PTPRT: variants seen among roughly 807,000 people sequenced by gnomAD.
The protein encoded by PTPRT is receptor-type tyrosine-protein phosphatase T.
A neutral mutation model predicts 176.8 loss-of-function variants in PTPRT; 56 were observed. That is an observed-to-expected ratio of 0.32 (90% CI 0.26 to 0.40). The LOEUF (loss-of-function observed/expected upper bound fraction) is 0.40, where lower values mean the gene tolerates loss of function less well. PTPRT is among the 10% of genes least tolerant of loss of function. PTPRT has a pLI of 1.00. For synonymous variants in PTPRT, 783 were observed against 739.0 expected, an observed-to-expected ratio of 1.06 and a Z score of -0.96; for missense variants, 1,540 against 1,908.2, an observed-to-expected ratio of 0.81 and a Z score of 3.60.
intron 7 of PTPRT, among the ~76,000 whole-genome samples, chr20:42,529,859 A>AG (rs2072349871): frequency 6.6e-6 from 1 of 151,790 alleles, no homozygotes; most frequent in African/African-American, 2.4e-5. Flanking sequence ...AAAAAAAAAA[A>AG]AAAAAAGAAA....
intron 11 of PTPRT, among the ~76,000 whole-genome samples, chr20:42,344,541 G>C (rs186617749): frequency 6.6e-6 from 1 of 152,324 alleles, no homozygotes; most frequent in Admixed American, 6.5e-5. Context: ...CTGACAGAGG[G>C]ATGACCATGA....
At chr20:42,178,187 C>T (rs972641524) in intron 16 of PTPRT, among the ~76,000 whole-genome samples, 4 of 152,152 alleles carry the variant, frequency 2.6e-5, no homozygotes, top group Non-Finnish European at 5.9e-5. Context: ...CCACCCACCT[C>T]GGCCTCCCAA....
At chr20:42,190,236 G>C (rs1260214476) in intron 16 of PTPRT, among the ~76,000 whole-genome samples, 2 of 152,130 alleles carry the variant, frequency 1.3e-5, no homozygotes, top group African/African-American at 2.4e-5. Context: ...ACAATGCTCT[G>C]TTGAGCTCTC....
intron 11 of PTPRT, among the ~76,000 whole-genome samples, chr20:42,347,729 C>T (rs891919847): frequency 2.6e-5 from 4 of 152,192 alleles, no homozygotes; most frequent in Admixed American, 2.6e-4. Flanking sequence ...TACCTTCTGC[C>T]TATAAAACCT....
At chr20:42,500,922 C>T (rs2071740550) in intron 7 of PTPRT, among the ~76,000 whole-genome samples, 1 of 152,012 alleles carries the variant, frequency 6.6e-6, no homozygotes, top group African/African-American at 2.4e-5. Flanking sequence ...TCTCAATGAA[C>T]CCAAAATTGC....
chr20:42,388,443 AC>A (rs1332476102), intron 9 of PTPRT, among the ~76,000 whole-genome samples: 1 of 152,082 alleles, frequency 6.6e-6, no homozygotes, highest in African/African-American at 2.4e-5. Context: ...AAAACAAACA[AC>A]CCCATCAAAA....
intron 7 of PTPRT, among the ~76,000 whole-genome samples, chr20:42,532,729 TC>T (rs1568955799): frequency 6.6e-6 from 1 of 151,538 alleles, no homozygotes; most frequent in African/African-American, 2.4e-5. Flanking sequence ...CACAACCATA[TC>T]CTTAGACCTG....
chr20:42,319,505 C>CA (rs1380434001), intron 11 of PTPRT, among the ~76,000 whole-genome samples: 1 of 152,150 alleles, frequency 6.6e-6, no homozygotes, highest in African/African-American at 2.4e-5. Flanking sequence ...CCTTCAGGCC[C>CA]ATGCATTCAC....
chr20:42,506,708 T>G (rs2071850961), intron 7 of PTPRT, among the ~76,000 whole-genome samples: 1 of 152,184 alleles, frequency 6.6e-6, no homozygotes, highest in Non-Finnish European at 1.5e-5. Context: ...GATGGTATTA[T>G]TCCCATTATT....
chr20:42,642,389 C>T (rs1237948964), intron 7 of PTPRT, among the ~76,000 whole-genome samples: 1 of 152,132 alleles, frequency 6.6e-6, no homozygotes, highest in Non-Finnish European at 1.5e-5. Context: ...TTATGGACCT[C>T]CCTGAGTCTC....
Position 42,074,371 on chromosome 20 carries a change from C to A in PTPRT, c.*6508G>T, listed in dbSNP as rs983554419. 4.2e-6 allele frequency: 1 copy of A among 238,878 alleles called. No homozygotes were observed. Among genetic ancestry groups the A allele is most frequent in the African/African-American group, 2.2e-5 (1 of 45,556 alleles). The allele number at this position is 238,878 out of a possible 1,614,324, so 14.8% of individuals were successfully genotyped here. ...ACTTCCTATGACCCTTTCTCCTCCACATCCAAGAGTCCTGCTCACTAAGGA... is the reference window on the plus strand; with the variant it reads ...ACTTCCTATGACCCTTTCTCCTCCAAATCCAAGAGTCCTGCTCACTAAGGA... On this transcript the variant is annotated 3_prime_UTR_variant, in exon 31 of 31. Transcript: ENST00000373187.
At chr20:42,517,248 A>C (rs2072085350) in intron 7 of PTPRT, among the ~76,000 whole-genome samples, 1 of 151,856 alleles carries the variant, frequency 6.6e-6, no homozygotes, top group African/African-American at 2.4e-5. Flanking sequence ...TTTTTCACTA[A>C]GTTTTAATAT....
intron 7 of PTPRT, among the ~76,000 whole-genome samples, chr20:42,489,777 C>G (rs1474539810): frequency 6.7e-6 from 1 of 148,316 alleles, no homozygotes; most frequent in Non-Finnish European, 1.5e-5. Flanking sequence ...TCCCTCTCTT[C>G]CTTTCCCTAT....
At chr20:42,843,362 A>G (rs779287537) in intron 2 of PTPRT, among the ~76,000 whole-genome samples, 6 of 152,144 alleles carry the variant, frequency 3.9e-5, no homozygotes, top group Non-Finnish European at 5.9e-5. Flanking sequence ...TTGTTTCTCA[A>G]AGCCAGGGAC....
At chr20:42,550,972 T>C (rs2072759965) in intron 7 of PTPRT, among the ~76,000 whole-genome samples, 1 of 152,156 alleles carries the variant, frequency 6.6e-6, no homozygotes, top group Admixed American at 6.6e-5. Context: ...TTGGACTCGA[T>C]TCTCCCCTTA....
At chr20:42,055,617 A>C in the PTPRT span, among the ~76,000 whole-genome samples, 1 of 152,052 alleles carries the variant, frequency 6.6e-6, no homozygotes, top group South Asian at 2.1e-4. Flanking sequence ...GGTCCTGTGC[A>C]GCCTACACTG....
At chr20:42,256,772 G>A (rs376334062) in intron 13 of PTPRT, among the ~76,000 whole-genome samples, 2 of 152,112 alleles carry the variant, frequency 1.3e-5, no homozygotes, top group African/African-American at 4.8e-5. Flanking sequence ...CTCAGAGGGT[G>A]GTAGTATCAG....
intron 3 of PTPRT, among the ~76,000 whole-genome samples, chr20:42,785,250 TG>T (rs1362266084): frequency 6.6e-6 from 1 of 152,224 alleles, no homozygotes; most frequent in African/African-American, 2.4e-5. Context: ...GCCAAAAGTC[TG>T]GTGCCAGAAA....
At chr20:42,304,123 C>T (rs1293408518) in intron 12 of PTPRT, among the ~76,000 whole-genome samples, 3 of 152,156 alleles carry the variant, frequency 2.0e-5, no homozygotes, top group East Asian at 1.9e-4. Context: ...CTTGCCTCTC[C>T]GTAAGTACGA....
Sources: gnomAD v4.1 joint callset for allele counts (sites outside exome capture counted in the v4.1 genomes callset) on GRCh38, gnomAD v4.1.1 for gene constraint, MANE v1.5 for transcripts, NCBI Gene and HGNC (gene_info 2026-07-23, HGNC 2026-07-21) for gene names.